MYT1L: variants seen among roughly 807,000 people sequenced by gnomAD.
MYT1L encodes the protein myelin transcription factor 1-like protein.
Under a neutral mutation model 126.7 loss-of-function variants are expected in MYT1L, and 12 were observed. The observed-to-expected ratio is 0.09, with a 90% CI of 0.06 to 0.15. The LOEUF (loss-of-function observed/expected upper bound fraction) is 0.15, where lower values mean the gene tolerates loss of function less well. Ranked by LOEUF, MYT1L falls within the 10% of genes least tolerant of loss-of-function variation. The pLI, the probability that MYT1L is intolerant of heterozygous loss-of-function variation, is 1.00. For synonymous variants in MYT1L, 541 were observed against 604.2 expected (o/e 0.90, Z 1.53); for missense variants, 979 against 1,585.2 (o/e 0.62, Z 6.49).
Position 2,176,388 on chromosome 2 carries a change from T to G in MYT1L, c.-420-3400A>C, listed in dbSNP as rs551869415. Among the ~76,000 whole-genome samples, 3 of 152,310 alleles carry G rather than the reference T, an allele frequency of 2.0e-5. No homozygotes were observed. The East Asian group carries it at 5.8e-4, about 29-fold the overall frequency. On this transcript the variant is annotated intron_variant, in intron 2 of 24. Coordinates refer to ENST00000647738, the MANE Select transcript of MYT1L (RefSeq NM_001303052.2). ...GGATGGCTTCAATTATTTGGAACATTGGAAAGTATTTTTGGCAATTAAAAA... is the reference window on the plus strand; with the variant it reads ...GGATGGCTTCAATTATTTGGAACATGGGAAAGTATTTTTGGCAATTAAAAA...
rs2096083796 is a variant in MYT1L at position 2,317,371 on chromosome 2, A to G, written c.-521+13596T>C. Among the ~76,000 whole-genome samples, 5 of 152,132 alleles carry G rather than the reference A, an allele frequency of 3.3e-5. No individual in the cohort carries two copies. In the South Asian group the frequency reaches 1.0e-3, roughly 32 times the overall value. On this transcript the variant is annotated intron_variant, in intron 1 of 24. Coordinates refer to ENST00000647738, the MANE Select transcript of MYT1L (RefSeq NM_001303052.2). ...AGTAATGCCTTTGAGATTGCTGTCCATGTGAAGATGCCAAACACGCAGTCA... is the reference window on the plus strand; with the variant it reads ...AGTAATGCCTTTGAGATTGCTGTCCGTGTGAAGATGCCAAACACGCAGTCA...
chr2:2,129,993 C>T (rs1271715410), intron 3 of MYT1L, among the ~76,000 whole-genome samples: 2 of 151,848 alleles, frequency 1.3e-5, no homozygotes, highest in South Asian at 2.1e-4. Flanking sequence ...GATTTGACTA[C>T]ATAAATTTTA....
chr2:2,144,998 AT>A (rs1251685880), intron 3 of MYT1L, among the ~76,000 whole-genome samples: 1 of 152,236 alleles, frequency 6.6e-6, no homozygotes, highest in Non-Finnish European at 1.5e-5. Flanking sequence ...AATATCTCTG[AT>A]CATGAAGACT....
Position 1,969,661 on chromosome 2 carries a change from A to G in MYT1L, c.152+9504T>C, listed in dbSNP as rs566569720. The stretch of plus-strand genomic sequence containing the variant: ...ACTTGCTTGTCAGTGGCACTCAGGA[A>G]TGGCTGTGGGACCCTGGTTGTTGGT... On this transcript the variant is annotated intron_variant, in intron 8 of 24. Coordinates refer to ENST00000647738, the MANE Select transcript of MYT1L (RefSeq NM_001303052.2). Among the ~76,000 whole-genome samples the G allele has an allele frequency of 4.3e-4, 65 of 152,280 alleles. 2 individuals are homozygous for G. In the South Asian group the frequency reaches 0.012, roughly 28 times the overall value.
chr2:1,876,341 C>A (rs1476185358), intron 18 of MYT1L, among the ~76,000 whole-genome samples: 1 of 152,156 alleles, frequency 6.6e-6, no homozygotes, highest in Non-Finnish European at 1.5e-5. Context: ...ACACCTACTG[C>A]CTGGTGATGC....
chr2:2,222,070 C>T (rs2093888889), intron 2 of MYT1L, among the ~76,000 whole-genome samples: 1 of 152,194 alleles, frequency 6.6e-6, no homozygotes, highest in Non-Finnish European at 1.5e-5. Flanking sequence ...ATCCATTTTT[C>T]TACACTTTCA....
intron 23 of MYT1L, among the ~76,000 whole-genome samples, chr2:1,794,947 G>A (rs559120369): frequency 1.3e-5 from 2 of 152,340 alleles, no homozygotes; most frequent in East Asian, 3.9e-4. Flanking sequence ...CAGGGTCAGA[G>A]AGAATGTCTG....
intron 2 of MYT1L, among the ~76,000 whole-genome samples, chr2:2,187,255 A>G (rs2092277872): frequency 6.6e-6 from 1 of 152,096 alleles, no homozygotes; most frequent in Admixed American, 6.5e-5. Flanking sequence ...AGCTGCACAG[A>G]AAGTGCTTCA....
chr2:2,026,809 C>T (rs985994505), intron 4 of MYT1L, among the ~76,000 whole-genome samples: 1 of 152,050 alleles, frequency 6.6e-6, no homozygotes, highest in African/African-American at 2.4e-5. Flanking sequence ...ACTGGCATAG[C>T]CTTGTGCGGG....
intron 8 of MYT1L, among the ~76,000 whole-genome samples, chr2:1,966,689 A>G (rs967907194): frequency 2.6e-5 from 4 of 152,230 alleles, no homozygotes; most frequent in African/African-American, 9.6e-5. Flanking sequence ...ATAACATTAC[A>G]GCCACAGGAT....
intron 2 of MYT1L, among the ~76,000 whole-genome samples, chr2:2,211,854 A>G (rs1004969723): frequency 6.6e-6 from 1 of 151,716 alleles, no homozygotes; most frequent in African/African-American, 2.4e-5. Context: ...ATGCTTCTAG[A>G]ACATTATAAC....
rs756825062 is a variant in MYT1L, at chr2:2,079,906, CAAGT to C, written c.-303-25787_-303-25784del. 4.6e-5 allele frequency among the ~76,000 whole-genome samples: 7 copies of C among 151,386 alleles called. No individual in the cohort carries two copies. The South Asian group carries it at 6.3e-4, about 14-fold the overall frequency. On this transcript the variant is annotated intron_variant, in intron 3 of 24. Coordinates refer to ENST00000647738, the MANE Select transcript of MYT1L (RefSeq NM_001303052.2). Reference sequence around the variant, plus strand: ...ATTTTAAAAATCTACTACAAATAAACAAGTAAGTGAATAAATAAATAAACAACAA... The same window carrying C: ...ATTTTAAAAATCTACTACAAATAAACAAGTGAATAAATAAATAAACAACAA...
At position 1,858,107 on chromosome 2, in the gene MYT1L, G is replaced by A. The variant is rs138729273; in HGVS notation, c.2712-6404C>T. 3.9e-3 allele frequency among the ~76,000 whole-genome samples: 592 copies of A among 152,316 alleles called. 5 individuals are homozygous for A. The highest frequency in any genetic ancestry group is 0.014 in the African/African-American group (565 of 41,580). ...TCAAACTCCTGACCTCAAGTAATCT[G>A]CCCGCCTTGGCCTCCCAAAGTGCTG... On this transcript the variant is annotated intron_variant, in intron 18 of 24. Coordinates refer to ENST00000647738, the MANE Select transcript of MYT1L (RefSeq NM_001303052.2).
chr2:1,942,206 C>T (rs908722040), intron 9 of MYT1L, among the ~76,000 whole-genome samples: 1 of 152,194 alleles, frequency 6.6e-6, no homozygotes, highest in African/African-American at 2.4e-5. Flanking sequence ...ACAAAACTCC[C>T]ACCTCTTTCC....
chr2:1,828,791 A>C (rs1355191923), intron 21 of MYT1L: 1 of 152,236 alleles, frequency 6.6e-6, no homozygotes, highest in Non-Finnish European at 1.5e-5. Context: ...GAGAGGAACC[A>C]AAAAATAAAT....
chr2:2,302,777 C>T (rs1429739113), intron 1 of MYT1L, among the ~76,000 whole-genome samples: 3 of 152,040 alleles, frequency 2.0e-5, no homozygotes, highest in African/African-American at 4.8e-5. Context: ...AGATTGTAGA[C>T]GTGGTAATGT....
At chr2:2,111,161 T>C (rs1477857795) in intron 3 of MYT1L, among the ~76,000 whole-genome samples, 1 of 152,124 alleles carries the variant, frequency 6.6e-6, no homozygotes, top group African/African-American at 2.4e-5. Context: ...TACCCCAGCG[T>C]CAGCACAGCC....
chr2:2,283,010 G>A lies in MYT1L; in HGVS notation c.-421+1394C>T, dbSNP rs919856128. Among the ~76,000 whole-genome samples the A allele has an allele frequency of 3.9e-5, 6 of 152,234 alleles. No homozygotes were observed. The South Asian group carries it at 1.2e-3, about 31-fold the overall frequency. On this transcript the variant is annotated intron_variant, in intron 2 of 24. Coordinates refer to ENST00000647738, the MANE Select transcript of MYT1L (RefSeq NM_001303052.2). ...GAATACCTTGAACCCCGGAGGGAGA[G>A]GTTACGGTGAGCCAAGATTGTGCCA...
chr2:1,939,070 T>TA (rs1432516801), intron 9 of MYT1L, among the ~76,000 whole-genome samples: 6 of 152,232 alleles, frequency 3.9e-5, no homozygotes, highest in Non-Finnish European at 7.3e-5. Flanking sequence ...ACTTTCTCTC[T>TA]ACTCGCAAGG....
Sources: gnomAD v4.1 joint callset for allele counts (sites outside exome capture counted in the v4.1 genomes callset) on GRCh38, gnomAD v4.1.1 for gene constraint, MANE v1.5 for transcripts, NCBI Gene and HGNC (gene_info 2026-07-23, HGNC 2026-07-21) for gene names.